The following NARS1 variants were observed in gnomAD, a reference collection of about 807,000 sequenced individuals.
NARS1 encodes the protein asparaginyl-tRNA synthetase 1.
NARS1 carries 65 observed loss-of-function variants against 79.2 expected under a neutral mutation model. The ratio of observed to expected loss-of-function variants is 0.82; its 90% CI spans 0.67 to 1.01. NARS1 has a LOEUF of 1.01. Ranked by LOEUF, NARS1 falls within the 50% of genes least tolerant of loss-of-function variation. The pLI is 0.00. For synonymous variants in NARS1, 229 were observed against 238.8 expected, an observed-to-expected ratio of 0.96 and a Z score of 0.38; for missense variants, 649 against 673.8, an observed-to-expected ratio of 0.96 and a Z score of 0.41.
chr18:57,611,669 C>T lies in NARS1; in HGVS notation c.460G>A (p.Gly154Ser). ...LMFLVLRDGTGYLQCVLADEL... is the reference protein window; with the variant it reads ...LMFLVLRDGTSYLQCVLADEL... ...TCCGCCAAGACACACTGAAGATAAC[C>T]TGTACCATCTCGCAACACCAGAAAC... is the stretch of plus-strand genomic sequence containing the variant. Residue 154 changes from glycine to serine, a missense_variant, in exon 6 of 14, where the codon GGT (glycine) becomes AGT (serine). Gly to Ser is a moderately conservative substitution (Grantham distance 56). Coordinates refer to ENST00000256854, the MANE Select transcript of NARS1 (RefSeq NM_004539.4). 6.3e-7 allele frequency: 1 copy of T among 1,597,018 alleles called. No individual in the cohort carries two copies. The highest frequency in any genetic ancestry group is 1.1e-5 in the South Asian group (1 of 87,370).
chr18:57,605,836 A>G, intron 11 of NARS1, 21 bp downstream of exon 11: 1 of 1,510,700 alleles, frequency 6.6e-7, no homozygotes, highest in South Asian at 1.2e-5. Context: ...CTTGGAAACA[A>G]TGAGAGAAAG....
intron 10 of NARS1, 22 bp downstream of exon 10, chr18:57,606,594 T>C (rs1164356312): frequency 1.3e-6 from 2 of 1,587,442 alleles, no homozygotes; most frequent in Non-Finnish European, 1.7e-6. Flanking sequence ...TGACTTTTTC[T>C]TTCCATAAAC....
rs571611387 is a variant in NARS1, at chr18:57,615,633, A to G, written c.342+8T>C. ...GTCCACGGTATTTGAAAAGATAAAC[A>G]AACTTACACATTTTGGCTCTGGGAG... is the stretch of plus-strand genomic sequence containing the variant. On this transcript the variant is annotated splice_region_variant and intron_variant, in intron 4 of 13. Coordinates refer to ENST00000256854, the MANE Select transcript of NARS1 (RefSeq NM_004539.4). The G allele has an allele frequency of 1.3e-6, 2 of 1,587,922 alleles. No homozygotes were observed. Among genetic ancestry groups the G allele is most frequent in the African/African-American group, 2.7e-5 (2 of 74,270 alleles).
At chr18:57,616,082 C>G in intron 2 of NARS1, 107 bp from the exon 3 acceptor site, 3 of 1,011,552 alleles carry the variant, frequency 3.0e-6, no homozygotes, top group Non-Finnish European at 4.3e-6. Context: ...GCATAAAGAC[C>G]CCAACAGCCA....
At chr18:57,605,623 A>AG (rs1302266351) in intron 11 of NARS1, among the ~76,000 whole-genome samples, 1 of 151,384 alleles carries the variant, frequency 6.6e-6, no homozygotes, top group Non-Finnish European at 1.5e-5. Context: ...AAAAAAAAAA[A>AG]AAAAAGAAAA....
At chr18:57,613,227 C>T (rs1398163554) in intron 5 of NARS1, among the ~76,000 whole-genome samples, 1 of 151,178 alleles carries the variant, frequency 6.6e-6, no homozygotes, top group Admixed American at 6.6e-5. Flanking sequence ...GGCGCAGCGG[C>T]TCATACCTGT....
At chr18:57,616,058 C>A in intron 2 of NARS1, 83 bp from the exon 3 acceptor site, 1 of 1,248,008 alleles carries the variant, frequency 8.0e-7, no homozygotes, top group East Asian at 2.4e-5. Flanking sequence ...TATAAGGCAA[C>A]TGGAACAATC....
chr18:57,606,303 G>A (rs1439574697), intron 10 of NARS1, among the ~76,000 whole-genome samples: 2 of 147,934 alleles, frequency 1.4e-5, no homozygotes, highest in Non-Finnish European at 3.0e-5. Context: ...CAGAGATCGC[G>A]CCACTGTACT....
chr18:57,618,730 C>T (rs938342834), intron 2 of NARS1, among the ~76,000 whole-genome samples: 5 of 151,974 alleles, frequency 3.3e-5, no homozygotes, highest in Middle Eastern at 3.4e-3. Flanking sequence ...AATGAGATCT[C>T]GTATCTACAA....
chr18:57,601,765 G>A lies in NARS1; in HGVS notation c.1534C>T (p.Pro512Ser). Reference protein sequence around the residue: ...YTDQRKYGTCPHGGYGLGLER... With the variant: ...YTDQRKYGTCSHGGYGLGLER... ...AAGCCCAAGCCATATCCTCCATGGG[G>A]ACATGTACCGTATTTTCTCTGTTTA... The change falls in exon 14 of 14, where the codon CCC becomes TCC. Residue 512 changes from proline to serine, a missense_variant. Physicochemically the swap from Pro to Ser is moderately conservative, Grantham distance 74. Coordinates refer to ENST00000256854, the MANE Select transcript of NARS1 (RefSeq NM_004539.4). 1.2e-6 allele frequency: 2 copies of A among 1,613,374 alleles called. No homozygotes were observed. The highest frequency in any genetic ancestry group is 1.3e-5 in the African/African-American group (1 of 74,998).
rs143684694 is a variant in NARS1, at chr18:57,615,223, C to T, written c.342+418G>A. 2.4e-3 allele frequency among the ~76,000 whole-genome samples: 360 copies of T among 151,774 alleles called. 1 individual carries two copies. Among genetic ancestry groups the T allele is most frequent in the African/African-American group, 7.3e-3 (304 of 41,390 alleles). The stretch of plus-strand genomic sequence containing the variant: ...AAATAAAAAATAAAAGGAAAGTAGG[C>T]CGGGCGCAGTGGCTCACGCCTGTAA... On this transcript the variant is annotated intron_variant, in intron 4 of 13. Coordinates refer to ENST00000256854, the MANE Select transcript of NARS1 (RefSeq NM_004539.4).
At chr18:57,613,522 T>C (rs538868994) in intron 5 of NARS1, 80 bp downstream of exon 5, 3 of 1,304,390 alleles carry the variant, frequency 2.3e-6, no homozygotes, top group Admixed American at 4.2e-5. Flanking sequence ...AAAAAACCCC[T>C]GCAAATCTTT....
chr18:57,620,944 G>A (rs1033426415), intron 1 of NARS1, among the ~76,000 whole-genome samples: 1 of 152,188 alleles, frequency 6.6e-6, no homozygotes, highest in Non-Finnish European at 1.5e-5. Context: ...AAGTTGATCA[G>A]ACATACGCTG....
At chr18:57,619,266 A>ATT (rs57667136) in intron 2 of NARS1, among the ~76,000 whole-genome samples, 34,690 of 123,344 alleles carry the variant, frequency 0.28, 5,238 homozygotes, top group Non-Finnish European at 0.36. Flanking sequence ...TGCCTGGCTA[A>ATT]TTTTTTTTTT....
In NARS1 at chr18:57,602,430, A is replaced by G. The variant is rs2122417902; in HGVS notation, c.1440T>C (p.Phe480=). ...AACCTGCCAGTATTTCTTCACTATC[A>G]AAGATACGCATTGAGCCTCCCACAA... ...GEIVGGSMRI[F]DSEEILAGYK... The change falls in exon 13 of 14, where the codon TTT becomes TTC. Residue 480 remains phenylalanine, a synonymous_variant. Transcript: ENST00000256854. 6.2e-7 allele frequency: 1 copy of G among 1,613,878 alleles called. No individual in the cohort carries two copies. The highest frequency in any genetic ancestry group is 8.5e-7 in the Non-Finnish European group (1 of 1,179,774).
In NARS1 at chr18:57,605,932, G is replaced by C; in HGVS notation, c.1176C>G (p.Asn392Lys). 1.2e-6 allele frequency: 2 copies of C among 1,613,588 alleles called. No homozygotes were observed. The highest frequency in any genetic ancestry group is 1.7e-6 in the Non-Finnish European group (2 of 1,179,760). ...TTAGCCAAACGATAGCATCTGAATA[G>C]TTCATCCGTTTGAAAGGCCGTTTGG... ...QPPKRPFKRMNYSDAIVWLKE... is the reference protein window; with the variant it reads ...QPPKRPFKRMKYSDAIVWLKE... Residue 392 changes from asparagine to lysine, a missense_variant, in exon 11 of 14, where the codon AAC (asparagine) becomes AAG (lysine). Asn to Lys is a moderately conservative substitution (Grantham distance 94, BLOSUM62 0). Transcript: ENST00000256854.
At chr18:57,619,084 G>C (rs1908182569) in intron 2 of NARS1, among the ~76,000 whole-genome samples, 1 of 152,028 alleles carries the variant, frequency 6.6e-6, no homozygotes, top group Non-Finnish European at 1.5e-5. Context: ...GAGTGTCAAG[G>C]CACTGCTTTT....
chr18:57,606,063 C>T, intron 10 of NARS1, 93 bp from the exon 11 acceptor site: 4 of 822,326 alleles, frequency 4.9e-6, no homozygotes, highest in Non-Finnish European at 7.5e-6. Context: ...TAAAGTATTA[C>T]TTCAGTGAGG....
chr18:57,613,225 G>C (rs960789586), intron 5 of NARS1, among the ~76,000 whole-genome samples: 1 of 151,482 alleles, frequency 6.6e-6, no homozygotes, highest in African/African-American at 2.4e-5. Flanking sequence ...CGGGCGCAGC[G>C]GCTCATACCT....
Sources: allele counts gnomAD v4.1 joint callset (sites outside exome capture counted in the v4.1 genomes callset), GRCh38; gene constraint gnomAD v4.1.1; transcripts MANE v1.5; gene names NCBI Gene and HGNC (gene_info 2026-07-23, HGNC 2026-07-21).